Variants in RAD52 observed in about 807,000 individuals in gnomAD.
The protein encoded by RAD52 is RAD52 DNA repair protein, also known as DNA repair protein RAD52 homolog.
A neutral mutation model predicts 55.5 loss-of-function variants in RAD52; 47 were observed. The observed-to-expected ratio is 0.85, with a 90% confidence interval of 0.67 to 1.08. RAD52 has a LOEUF of 1.08. Ranked by LOEUF, RAD52 falls within the 50% of genes least tolerant of loss-of-function variation. RAD52 has a pLI of 0.00. For synonymous variants in RAD52, 184 were observed against 198.9 expected, an observed-to-expected ratio of 0.92 and a Z score of 0.63; for missense variants, 468 against 522.8, an observed-to-expected ratio of 0.90 and a Z score of 1.02.
chr12:919,749 TAAAA>T (rs755729351), intron 7 of RAD52, among the ~76,000 whole-genome samples: 1 of 82,204 alleles, frequency 1.2e-5, no homozygotes, highest in Admixed American at 1.2e-4. Flanking sequence ...AGACTCTGTC[TAAAA>T]AAAAAAAAAA....
intron 11 of RAD52, 90 bp from the exon 12 acceptor site, chr12:913,542 A>G (rs1048480529): frequency 2.0e-5 from 21 of 1,035,518 alleles, no homozygotes; most frequent in Admixed American, 1.6e-4. Context: ...AATGATCCTA[A>G]TTTAGACTAA....
intron 1 of RAD52, among the ~76,000 whole-genome samples, chr12:965,223 C>T (rs77782880): frequency 1.3e-5 from 2 of 151,870 alleles, no homozygotes; most frequent in East Asian, 3.9e-4. Context: ...GGTGATCCGC[C>T]CACCTCGACT....
At chr12:948,778 G>T (rs917802841) in intron 1 of RAD52, among the ~76,000 whole-genome samples, 1 of 148,196 alleles carries the variant, frequency 6.7e-6, no homozygotes, top group African/African-American at 2.5e-5. Context: ...CGGCTTACCG[G>T]CACACCTGCC....
At position 916,722 on chromosome 12, in the gene RAD52, C is replaced by T; in HGVS notation, c.642G>A (p.Leu214=). Residue 214 remains leucine (L), a synonymous_variant, in exon 8 of 12, where the codon CTG becomes CTA. Transcript: ENST00000358495. ...TCACCTGCTGCAGCTGTGGGTGTCC[C>T]AGGGCCATGTTCGGTCGGCAGCTGT... is the stretch of plus-strand genomic sequence containing the variant. ...RYNSCRPNMA[L]GHPQLQQVTS... is the part of the protein sequence containing the mutation. 1.9e-6 allele frequency: 3 copies of T among 1,614,196 alleles called. No individual in the cohort carries two copies. The highest frequency in any genetic ancestry group is 1.3e-5 in the African/African-American group (1 of 75,050).
chr12:968,122 C>A (rs1472385401), intron 1 of RAD52, among the ~76,000 whole-genome samples: 1 of 152,110 alleles, frequency 6.6e-6, no homozygotes, highest in East Asian at 1.9e-4. Context: ...TCCCACAATT[C>A]TTTCCTCCAT....
At chr12:940,724 A>C (rs1957877251) in intron 1 of RAD52, among the ~76,000 whole-genome samples, 1 of 152,164 alleles carries the variant, frequency 6.6e-6, no homozygotes, top group Non-Finnish European at 1.5e-5. Context: ...CCTCCCCGAC[A>C]AAAAAGCCTT....
chr12:929,307 A>G (rs562710846), intron 5 of RAD52, among the ~76,000 whole-genome samples: 10 of 152,360 alleles, frequency 6.6e-5, no homozygotes, highest in Admixed American at 1.3e-4. Flanking sequence ...CAAATAAATG[A>G]TAGATCTTAT....
At position 934,416 on chromosome 12, in the gene RAD52, T is replaced by C. The variant is rs904040145; in HGVS notation, c.-18-1340A>G. ...AGGCAGAGGTTGCAGTGAGCTGAGA[T>C]TGTGCCACGGCACTCCAGCCTGGGC... On this transcript the variant is annotated intron_variant, in intron 1 of 11. Transcript: ENST00000358495. 2.7e-5 allele frequency among the ~76,000 whole-genome samples: 4 copies of C among 146,408 alleles called. No individual in the cohort carries two copies. The East Asian group carries it at 8.1e-4, about 30-fold the overall frequency.
chr12:929,620 C>T, intron 5 of RAD52, 199 bp downstream of exon 5: 1 of 772,508 alleles, frequency 1.3e-6, no homozygotes, highest in Non-Finnish European at 2.4e-6. Context: ...TCAGCTTGAA[C>T]ATGTGCAAGA....
intron 1 of RAD52, among the ~76,000 whole-genome samples, chr12:967,515 T>C (rs1389217473): frequency 6.6e-6 from 1 of 151,876 alleles, no homozygotes; most frequent in Non-Finnish European, 1.5e-5. Flanking sequence ...AGAAGCACCA[T>C]CCTGGATTTT....
chr12:955,107 T>G (rs917707599), intron 1 of RAD52, among the ~76,000 whole-genome samples: 4 of 152,222 alleles, frequency 2.6e-5, no homozygotes, highest in African/African-American at 7.2e-5. Flanking sequence ...TAAGTATTCT[T>G]AAGGATTTAA....
At chr12:916,870 G>T in intron 7 of RAD52, 50 bp from the exon 8 acceptor site, 2 of 1,567,246 alleles carry the variant, frequency 1.3e-6, no homozygotes, top group Non-Finnish European at 8.7e-7. Context: ...CTTGCCCTCC[G>T]CTGCTTCTCC....
At position 927,179 on chromosome 12, in the gene RAD52, C is replaced by T. The variant is rs765516706; in HGVS notation, c.433G>A (p.Glu145Lys). The T allele has an allele frequency of 6.2e-6, 10 of 1,614,182 alleles. No homozygotes were observed. In the East Asian group the frequency reaches 2.0e-4, roughly 32 times the overall value. The change falls in exon 6 of 12, where the codon GAG becomes AAG. Residue 145 changes from glutamate (E) to lysine (K), a missense_variant. By Grantham distance (56) the Glu-to-Lys change is moderately conservative. Coordinates refer to ENST00000358495, the MANE Select transcript of RAD52 (RefSeq NM_134424.4). ...KALSLEKARK[E>K]AVTDGLKRAL... ...CGCTTCAGCCCGTCTGTCACCGCCT[C>T]CTTCCTTGCCTTCTCCAAAGATAAA... is the stretch of plus-strand genomic sequence containing the variant.
At position 913,959 on chromosome 12, in the gene RAD52, T is replaced by C. The variant is rs1007751425; in HGVS notation, c.1130A>G (p.Gln377Arg). The part of the protein sequence containing the change: ...QNRTPHSVCH[Q>R]KPQAKSGSWD... ...AGATCCAGATTTTGCTTGTGGTTTC[T>C]GGTGGCAAACGCTGTGTGGAGTCCT... is the stretch of plus-strand genomic sequence containing the variant. The change falls in exon 11 of 12, where the codon CAG becomes CGG. Residue 377 changes from glutamine (Q) to arginine (R), a missense_variant. Transcript: ENST00000358495. 1 of 1,614,234 alleles carries C rather than the reference T, an allele frequency of 6.2e-7. No homozygotes were observed. The highest frequency in any genetic ancestry group is 1.3e-5 in the African/African-American group (1 of 75,058).
intron 1 of RAD52, among the ~76,000 whole-genome samples, chr12:984,802 C>T (rs1959064749): frequency 6.6e-6 from 1 of 152,096 alleles, no homozygotes; most frequent in South Asian, 2.1e-4. Flanking sequence ...GTAGCTAGGA[C>T]TACAGGCGCC....
At chr12:926,220 T>C (rs1340217448) in intron 6 of RAD52, among the ~76,000 whole-genome samples, 2 of 151,898 alleles carry the variant, frequency 1.3e-5, no homozygotes, top group Non-Finnish European at 2.9e-5. Context: ...GGGCTGGGCA[T>C]GATGGCTCAT....
At chr12:931,084 C>T in intron 3 of RAD52, 136 bp downstream of exon 3, 1 of 636,926 alleles carries the variant, frequency 1.6e-6, no homozygotes, top group African/African-American at 1.9e-5. Flanking sequence ...CCCATCCCCT[C>T]CCAGGGGCAC....
At chr12:964,649 G>A (rs1958733322) in intron 1 of RAD52, among the ~76,000 whole-genome samples, 1 of 152,088 alleles carries the variant, frequency 6.6e-6, no homozygotes, top group Non-Finnish European at 1.5e-5. Flanking sequence ...CACAGTCACA[G>A]CTCACTGCAG....
At chr12:936,368 C>T (rs1250045579) in intron 1 of RAD52, among the ~76,000 whole-genome samples, 1 of 150,494 alleles carries the variant, frequency 6.6e-6, no homozygotes, top group Non-Finnish European at 1.5e-5. Context: ...TTATCTTTGT[C>T]CATAAAGTAA....
Sources: gnomAD v4.1 joint callset for allele counts (sites outside exome capture counted in the v4.1 genomes callset) on GRCh38, gnomAD v4.1.1 for gene constraint, MANE v1.5 for transcripts, NCBI Gene and HGNC (gene_info 2026-07-23, HGNC 2026-07-21) for gene names.